HIVEP3: variants seen among roughly 807,000 people sequenced by gnomAD.
HIVEP3 encodes the protein transcription factor HIVEP3.
Under a neutral mutation model 152.8 loss-of-function variants are expected in HIVEP3, and 49 were observed. The observed-to-expected ratio is 0.32, with a 90% CI of 0.26 to 0.41. The LOEUF is 0.41. Among genes scored for constraint, HIVEP3 ranks in the 10% least tolerant of loss-of-function variants. The pLI is 1.00. For missense variants in HIVEP3, 2,790 were observed against 3,103.3 expected, an observed-to-expected ratio of 0.90 and a Z score of 2.40; for synonymous variants, 1,269 against 1,289.0, an observed-to-expected ratio of 0.98 and a Z score of 0.33.
intron 1 of HIVEP3, among the ~76,000 whole-genome samples, chr1:41,914,967 T>C (rs1644848867): frequency 6.6e-6 from 1 of 152,202 alleles, no homozygotes; most frequent in African/African-American, 2.4e-5. Flanking sequence ...ATAATAACAG[T>C]AGCATAGTAG....
chr1:41,811,481 T>C (rs926999716), intron 1 of HIVEP3, among the ~76,000 whole-genome samples: 21 of 152,054 alleles, frequency 1.4e-4, no homozygotes, highest in African/African-American at 4.6e-4. Context: ...TTCACTATTC[T>C]AAGCATTTTA....
chr1:42,008,924 A>C (rs1221465770), intron 1 of HIVEP3, among the ~76,000 whole-genome samples: 1 of 152,188 alleles, frequency 6.6e-6, no homozygotes, highest in East Asian at 1.9e-4. Flanking sequence ...AGGAGTTCTG[A>C]ATAAAAGGCA....
At chr1:41,885,429 G>A (rs920167089) in intron 1 of HIVEP3, among the ~76,000 whole-genome samples, 2 of 152,120 alleles carry the variant, frequency 1.3e-5, no homozygotes, top group Non-Finnish European at 2.9e-5. Flanking sequence ...ACTTTGGGAG[G>A]CTGAGGCAGG....
chr1:42,026,802 C>A (rs1034959435), intron 1 of HIVEP3, among the ~76,000 whole-genome samples: 7 of 152,178 alleles, frequency 4.6e-5, no homozygotes, highest in African/African-American at 1.7e-4. Flanking sequence ...TTTCTTCCAC[C>A]AGCTGTACAC....
At chr1:41,950,979 A>G (rs1252073219) in intron 1 of HIVEP3, among the ~76,000 whole-genome samples, 13 of 152,234 alleles carry the variant, frequency 8.5e-5, no homozygotes, top group Non-Finnish European at 5.9e-5. Context: ...CTAGTCAGTC[A>G]CCATTCTAAC....
intron 5 of HIVEP3, among the ~76,000 whole-genome samples, chr1:41,571,294 G>A (rs1644248862): frequency 1.3e-5 from 2 of 152,184 alleles, no homozygotes; most frequent in South Asian, 4.1e-4. Context: ...AAGTGAACTT[G>A]AGTTAAGACA....
At chr1:41,614,340 T>C (rs1472678360) in intron 3 of HIVEP3, among the ~76,000 whole-genome samples, 1 of 152,216 alleles carries the variant, frequency 6.6e-6, no homozygotes, top group East Asian at 1.9e-4. Context: ...ATTTCTGAGA[T>C]GATCTCAAAG....
Position 41,518,387 on chromosome 1 carries a change from G to A in HIVEP3, c.5470+15C>T. 6.2e-7 allele frequency: 1 copy of A among 1,609,320 alleles called. No homozygotes were observed. Among genetic ancestry groups the A allele is most frequent in the Non-Finnish European group, 8.5e-7 (1 of 1,175,566 alleles). On this transcript the variant is annotated intron_variant, in intron 7 of 8. Transcript: ENST00000372583. ...GACAAGGGGAAAGGGGACGGAGAAG[G>A]TTGGCAATTGTTACCTTCTTCGGCT... is the stretch of plus-strand genomic sequence containing the variant.
At chr1:41,829,860 G>A (rs1371742801) in intron 1 of HIVEP3, among the ~76,000 whole-genome samples, 1 of 151,182 alleles carries the variant, frequency 6.6e-6, no homozygotes, top group Non-Finnish European at 1.5e-5. Flanking sequence ...CTGTAAAGCG[G>A]AAAGATCTGT....
At chr1:41,792,098 A>G (rs1300481861) in intron 1 of HIVEP3, among the ~76,000 whole-genome samples, 3 of 152,148 alleles carry the variant, frequency 2.0e-5, no homozygotes, top group Non-Finnish European at 4.4e-5. Flanking sequence ...CTAACATGTC[A>G]TCATTTAGTC....
At chr1:41,764,212 C>T (rs1009405353) in intron 1 of HIVEP3, among the ~76,000 whole-genome samples, 3 of 152,040 alleles carry the variant, frequency 2.0e-5, no homozygotes, top group Non-Finnish European at 4.4e-5. Context: ...ATGAGGATTG[C>T]TTAGGAGGGA....
At chr1:41,942,797 C>G (rs1645052369) in intron 1 of HIVEP3, among the ~76,000 whole-genome samples, 1 of 151,934 alleles carries the variant, frequency 6.6e-6, no homozygotes, top group Admixed American at 6.5e-5. Context: ...CTATATATTG[C>G]TATGAAGGAA....
At chr1:41,781,010 G>A (rs1649009560) in intron 1 of HIVEP3, among the ~76,000 whole-genome samples, 1 of 152,208 alleles carries the variant, frequency 6.6e-6, no homozygotes, top group African/African-American at 2.4e-5. Flanking sequence ...TCGTGATTTT[G>A]TTAACGTCTC....
At chr1:41,817,149 G>A (rs548985217) in intron 1 of HIVEP3, among the ~76,000 whole-genome samples, 2 of 152,334 alleles carry the variant, frequency 1.3e-5, no homozygotes, top group Admixed American at 6.5e-5. Context: ...TTATTGAGGA[G>A]CCCGCTGCTG....
At chr1:41,689,792 A>G (rs1646168155) in intron 2 of HIVEP3, among the ~76,000 whole-genome samples, 1 of 152,252 alleles carries the variant, frequency 6.6e-6, no homozygotes, top group Admixed American at 6.5e-5. Flanking sequence ...AGAAGTGCCA[A>G]GACAAGTTGA....
intron 2 of HIVEP3, among the ~76,000 whole-genome samples, chr1:41,700,419 C>T (rs1465725406): frequency 6.6e-6 from 1 of 152,194 alleles, no homozygotes; most frequent in African/African-American, 2.4e-5. Flanking sequence ...GGTGAACACA[C>T]AGCTCAGTCC....
rs1196090973 is a variant in HIVEP3 at position 41,513,453 on chromosome 1, C to T, written c.5768G>A (p.Arg1923His). The T allele has an allele frequency of 4.3e-6, 7 of 1,611,514 alleles. No homozygotes were observed. Among genetic ancestry groups the T allele is most frequent in the Non-Finnish European group, 5.1e-6 (6 of 1,179,608 alleles). ...CATGGAGCAGCTGCTGGCTGTCAGG[C>T]GCTCAGCTTCCGAGACCGAGCTGCC... ...TRGSSVSEAE[R>H]LTASSCSMSS... is the part of the protein sequence containing the mutation. The change falls in exon 8 of 9, where the codon CGC (arginine) becomes CAC (histidine). Residue 1923 changes from arginine (R) to histidine (H), a missense_variant. This residue lies in a region of HIVEP3 where 816 missense variants were observed against 806.5 expected (regional missense o/e 1.01). Transcript: ENST00000372583.
intron 1 of HIVEP3, among the ~76,000 whole-genome samples, chr1:41,705,306 G>A (rs1646416771): frequency 6.6e-6 from 1 of 152,170 alleles, no homozygotes; most frequent in Non-Finnish European, 1.5e-5. Flanking sequence ...GCAGCCTCTG[G>A]AAGTTCCATC....
chr1:41,589,216 C>T (rs925314971), intron 3 of HIVEP3, among the ~76,000 whole-genome samples: 2 of 152,116 alleles, frequency 1.3e-5, no homozygotes, highest in African/African-American at 2.4e-5. Context: ...GAGGCCTGAA[C>T]CCCAGACCAG....
Sources: gnomAD v4.1 joint callset for allele counts (sites outside exome capture counted in the v4.1 genomes callset) on GRCh38, gnomAD v4.1.1 for gene constraint, gnomAD v4.1.1 regional missense constraint, MANE v1.5 for transcripts, NCBI Gene and HGNC (gene_info 2026-07-23, HGNC 2026-07-21) for gene names.